Variants in SORCS1 observed in about 807,000 individuals in gnomAD.
SORCS1 encodes sortilin related VPS10 domain containing receptor 1.
Under a neutral mutation model 146.1 loss-of-function variants are expected in SORCS1, and 60 were observed. The observed-to-expected ratio is 0.41, with a 90% CI of 0.33 to 0.51. The LOEUF is 0.51. Ranked by LOEUF, SORCS1 falls within the 20% of genes least tolerant of loss-of-function variation. The pLI, the probability that SORCS1 is intolerant of heterozygous loss-of-function variation, is 0.21. For synonymous variants in SORCS1, 637 were observed against 584.0 expected, an observed-to-expected ratio of 1.09 and a Z score of -1.31; for missense variants, 1,352 against 1,487.6, an observed-to-expected ratio of 0.91 and a Z score of 1.50.
At chr10:107,061,984 A>C (rs1408273513) in intron 1 of SORCS1, among the ~76,000 whole-genome samples, 1 of 152,148 alleles carries the variant, frequency 6.6e-6, no homozygotes, top group Non-Finnish European at 1.5e-5. Flanking sequence ...TGTTAAATGT[A>C]TGTCACACTT....
intron 3 of SORCS1, among the ~76,000 whole-genome samples, chr10:106,818,618 C>T (rs1462389404): frequency 2.0e-5 from 3 of 152,212 alleles, no homozygotes; most frequent in Non-Finnish European, 2.9e-5. Context: ...CCTGCCTCGG[C>T]GGGATTACAG....
chr10:106,921,276 A>G (rs1952699186), intron 2 of SORCS1, among the ~76,000 whole-genome samples: 2 of 152,164 alleles, frequency 1.3e-5, no homozygotes, highest in African/African-American at 4.8e-5. Flanking sequence ...AATAGCCCAG[A>G]ACTCTGATGC....
At chr10:106,593,596 C>T (rs981892981) in intron 24 of SORCS1, among the ~76,000 whole-genome samples, 13 of 152,292 alleles carry the variant, frequency 8.5e-5, no homozygotes, top group African/African-American at 2.9e-4. Flanking sequence ...ATATCTACTC[C>T]AGTTGCTGAA....
chr10:107,179,887 G>A, the SORCS1 span, among the ~76,000 whole-genome samples: 1 of 140,234 alleles, frequency 7.1e-6, no homozygotes, highest in Non-Finnish European at 1.5e-5. Context: ...TCTTAACAGG[G>A]CCTTTCACAA....
At chr10:106,932,016 C>CA (rs1227810843) in intron 2 of SORCS1, among the ~76,000 whole-genome samples, 1 of 152,054 alleles carries the variant, frequency 6.6e-6, no homozygotes, top group African/African-American at 2.4e-5. Context: ...TGAATGCTTC[C>CA]AGGAAGCTTA....
chr10:106,636,184 C>T (rs755050177), intron 18 of SORCS1, among the ~76,000 whole-genome samples: 19 of 151,426 alleles, frequency 1.3e-4, no homozygotes, highest in Non-Finnish European at 1.9e-4. Flanking sequence ...CACTTGAGCC[C>T]GGGAAGTCAA....
At chr10:107,042,402 G>A (rs1959174755) in intron 1 of SORCS1, among the ~76,000 whole-genome samples, 1 of 152,146 alleles carries the variant, frequency 6.6e-6, no homozygotes. Flanking sequence ...AGAGCTTTGG[G>A]GAACATCTAG....
chr10:106,734,205 C>T (rs76856910), intron 5 of SORCS1, among the ~76,000 whole-genome samples: 1 of 152,116 alleles, frequency 6.6e-6, no homozygotes, highest in Non-Finnish European at 1.5e-5. Context: ...GGAAAATGAA[C>T]TCCCTTCTTG....
At chr10:106,881,522 G>T (rs543514844) in intron 2 of SORCS1, among the ~76,000 whole-genome samples, 7 of 152,178 alleles carry the variant, frequency 4.6e-5, no homozygotes, top group African/African-American at 1.7e-4. Context: ...GGCCAGAAAA[G>T]GAAATTCATT....
chr10:107,154,194 G>C (rs915059860), intron 1 of SORCS1, among the ~76,000 whole-genome samples: 1 of 151,488 alleles, frequency 6.6e-6, no homozygotes, highest in Non-Finnish European at 1.5e-5. Context: ...ATAGAGATGG[G>C]GTTTCTCCAT....
intron 3 of SORCS1, among the ~76,000 whole-genome samples, chr10:106,780,851 T>C (rs1860833773): frequency 6.6e-6 from 1 of 152,178 alleles, no homozygotes; most frequent in Admixed American, 6.5e-5. Context: ...CACAGGATCC[T>C]ACCACCCAAC....
intron 5 of SORCS1, among the ~76,000 whole-genome samples, chr10:106,760,953 A>T (rs1859062419): frequency 1.3e-5 from 2 of 152,044 alleles, no homozygotes; most frequent in South Asian, 4.1e-4. Context: ...CTAAAAATCC[A>T]AAAAGTAGCC....
chr10:106,745,430 A>C (rs1857658552), intron 5 of SORCS1, among the ~76,000 whole-genome samples: 1 of 151,976 alleles, frequency 6.6e-6, no homozygotes, highest in Non-Finnish European at 1.5e-5. Context: ...AAAGAAAAGA[A>C]AAAGAAAAAG....
intron 4 of SORCS1, among the ~76,000 whole-genome samples, chr10:106,766,701 C>T (rs570623935): frequency 6.9e-4 from 105 of 152,200 alleles, no homozygotes; most frequent in Non-Finnish European, 1.3e-3. Flanking sequence ...TCCAGACCCC[C>T]ACACCCAACC....
intron 2 of SORCS1, among the ~76,000 whole-genome samples, chr10:106,874,006 A>G (rs1950512788): frequency 1.3e-5 from 2 of 152,186 alleles, no homozygotes; most frequent in Admixed American, 1.3e-4. Flanking sequence ...GATTGACCTC[A>G]CAAGGTTGCT....
intron 1 of SORCS1, among the ~76,000 whole-genome samples, chr10:106,992,606 C>G (rs1373213715): frequency 6.6e-6 from 1 of 151,830 alleles, no homozygotes; most frequent in African/African-American, 2.4e-5. Flanking sequence ...GTGCTCCTCC[C>G]ACCTCAGCTT....
chr10:106,647,266 T>C (rs904447467), intron 18 of SORCS1, among the ~76,000 whole-genome samples: 4 of 151,930 alleles, frequency 2.6e-5, no homozygotes, highest in African/African-American at 9.7e-5. Context: ...CATCCCTCCA[T>C]TCATTCAGGT....
intron 3 of SORCS1, among the ~76,000 whole-genome samples, chr10:106,796,734 T>C (rs1461237139): frequency 2.0e-5 from 3 of 152,216 alleles, no homozygotes; most frequent in Admixed American, 2.0e-4. Flanking sequence ...ATTGGTTCCC[T>C]GGATCCTAAC....
intron 24 of SORCS1, among the ~76,000 whole-genome samples, chr10:106,596,517 T>G (rs556472894): frequency 6.6e-6 from 1 of 152,226 alleles, no homozygotes; most frequent in East Asian, 1.9e-4. Flanking sequence ...CTCCATAAGC[T>G]TAGAAGGAGG....
Sources: allele counts gnomAD v4.1 joint callset (sites outside exome capture counted in the v4.1 genomes callset), GRCh38; gene constraint gnomAD v4.1.1; transcripts MANE v1.5; gene names NCBI Gene and HGNC (gene_info 2026-07-23, HGNC 2026-07-21).